Variants in CHRM3 observed in about 807,000 individuals in gnomAD.
CHRM3 encodes muscarinic acetylcholine receptor M3.
CHRM3 carries 11 observed loss-of-function variants against 41.8 expected under a neutral mutation model. That is an observed-to-expected ratio of 0.26 (90% confidence interval 0.17 to 0.44). The LOEUF (loss-of-function observed/expected upper bound fraction) is 0.44, where lower values mean the gene tolerates loss of function less well. CHRM3 is among the 20% of genes least tolerant of loss of function. CHRM3 has a pLI of 1.00. For synonymous variants in CHRM3, 297 were observed against 301.4 expected (o/e 0.99, Z 0.15); for missense variants, 571 against 745.4 (o/e 0.77, Z 2.72).
intron 3 of CHRM3, chr1:239,546,306 G>GT (rs1659297287): frequency 6.6e-6 from 1 of 152,104 alleles, no homozygotes; most frequent in Non-Finnish European, 1.5e-5. Context: ...CTAGGCCTCA[G>GT]TTTCTTCATT....
intron 5 of CHRM3, among the ~76,000 whole-genome samples, chr1:239,720,526 G>A (rs755673154): frequency 3.9e-5 from 6 of 151,956 alleles, no homozygotes; most frequent in Non-Finnish European, 7.4e-5. Context: ...GTTGCAGATA[G>A]CAAGTGAACA....
At chr1:239,694,294 C>A (rs1029773882) in intron 5 of CHRM3, among the ~76,000 whole-genome samples, 3 of 152,136 alleles carry the variant, frequency 2.0e-5, no homozygotes, top group African/African-American at 7.2e-5. Flanking sequence ...GGCATGAAGT[C>A]AACAATGAAT....
intron 4 of CHRM3, among the ~76,000 whole-genome samples, chr1:239,666,380 T>C (rs914995480): frequency 3.0e-4 from 45 of 151,718 alleles, no homozygotes; most frequent in African/African-American, 9.9e-4. Flanking sequence ...TTAGTAGGGC[T>C]GGGGTTTCAC....
chr1:239,402,465 C>T (rs781667084), intron 1 of CHRM3, among the ~76,000 whole-genome samples: 6 of 152,144 alleles, frequency 3.9e-5, no homozygotes, highest in African/African-American at 7.2e-5. Flanking sequence ...TTGGATTTTA[C>T]GGTTCTGTAA....
At chr1:239,568,137 A>G (rs949828149) in intron 3 of CHRM3, among the ~76,000 whole-genome samples, 4 of 152,060 alleles carry the variant, frequency 2.6e-5, no homozygotes, top group African/African-American at 9.7e-5. Context: ...TATGGTGGCT[A>G]TCCTCCAGGC....
intron 5 of CHRM3, among the ~76,000 whole-genome samples, chr1:239,694,270 T>G (rs1433294934): frequency 6.6e-6 from 1 of 152,174 alleles, no homozygotes; most frequent in Non-Finnish European, 1.5e-5. Flanking sequence ...GAAGACAATT[T>G]CACAGTATCT....
chr1:239,851,813 C>T (rs765371796), intron 6 of CHRM3, among the ~76,000 whole-genome samples: 21 of 152,162 alleles, frequency 1.4e-4, no homozygotes, highest in South Asian at 2.1e-4. Context: ...AGTTTTCTTA[C>T]CTTTAGAGAT....
At chr1:239,479,029 C>G (rs1666646267) in intron 1 of CHRM3, among the ~76,000 whole-genome samples, 1 of 151,936 alleles carries the variant, frequency 6.6e-6, no homozygotes. Flanking sequence ...TGAAAAAATA[C>G]AAAAATTAGC....
chr1:239,605,401 G>A (rs952877836), intron 3 of CHRM3, among the ~76,000 whole-genome samples: 2 of 152,064 alleles, frequency 1.3e-5, no homozygotes, highest in Non-Finnish European at 1.5e-5. Context: ...ATACCATATC[G>A]CCAAGGTGTG....
At chr1:239,873,383 G>A (rs1315248241) in intron 6 of CHRM3, among the ~76,000 whole-genome samples, 2 of 151,804 alleles carry the variant, frequency 1.3e-5, no homozygotes. Context: ...TTAAGTTCTG[G>A]GGTACATGTG....
At chr1:239,772,214 A>G (rs1054687713) in intron 5 of CHRM3, among the ~76,000 whole-genome samples, 15 of 152,086 alleles carry the variant, frequency 9.9e-5, no homozygotes, top group Middle Eastern at 6.3e-3. Flanking sequence ...GCAATGGCGC[A>G]ATCTCAGCTC....
At chr1:239,611,093 A>AT (rs1666974560) in intron 3 of CHRM3, among the ~76,000 whole-genome samples, 1 of 152,164 alleles carries the variant, frequency 6.6e-6, no homozygotes, top group East Asian at 1.9e-4. Context: ...ACAGTAATGA[A>AT]TTTTTTAGCA....
At chr1:239,635,189 A>G (rs188105420) in intron 4 of CHRM3, among the ~76,000 whole-genome samples, 1 of 152,304 alleles carries the variant, frequency 6.6e-6, no homozygotes, top group East Asian at 1.9e-4. Context: ...GTTAGTCAAC[A>G]TGGCTTTCAT....
rs568401124 is a variant in CHRM3 at position 239,700,410 on chromosome 1, CA to C, written c.-147+22123del. ...TAATTTACAGATATTCATCTTTGAC[CA>C]TTGGAAAATTGCCCTAAAAAGCAAG... is the stretch of plus-strand genomic sequence containing the variant. On this transcript the variant is annotated intron_variant, in intron 5 of 6. Transcript: ENST00000676153. 2.0e-5 allele frequency among the ~76,000 whole-genome samples: 3 copies of C among 152,266 alleles called. No individual in the cohort carries two copies. The South Asian group carries it at 6.2e-4, about 32-fold the overall frequency.
At chr1:239,402,416 T>A (rs919390230) in intron 1 of CHRM3, among the ~76,000 whole-genome samples, 4 of 152,204 alleles carry the variant, frequency 2.6e-5, no homozygotes, top group African/African-American at 9.6e-5. Flanking sequence ...CTTACAAGGC[T>A]CCAATAGCCT....
chr1:239,799,492 C>T (rs1455341101), intron 5 of CHRM3, among the ~76,000 whole-genome samples: 1 of 152,104 alleles, frequency 6.6e-6, no homozygotes, highest in African/African-American at 2.4e-5. Context: ...CATGGAATCC[C>T]TCCACCTACC....
At chr1:239,771,999 C>T (rs1220317473) in intron 5 of CHRM3, among the ~76,000 whole-genome samples, 1 of 152,114 alleles carries the variant, frequency 6.6e-6, no homozygotes, top group East Asian at 1.9e-4. Flanking sequence ...TAGAGACATA[C>T]AAAGAGAAAC....
chr1:239,587,935 T>C (rs1370078694), intron 3 of CHRM3, among the ~76,000 whole-genome samples: 2 of 152,238 alleles, frequency 1.3e-5, no homozygotes, highest in African/African-American at 2.4e-5. Context: ...AACAAACTTA[T>C]GCATTCTGAT....
intron 6 of CHRM3, among the ~76,000 whole-genome samples, chr1:239,843,919 GATAC>G (rs993383308): frequency 1.3e-5 from 2 of 151,686 alleles, no homozygotes; most frequent in African/African-American, 2.4e-5. Flanking sequence ...TATATAATTA[GATAC>G]ATACATACGT....
Sources: allele counts gnomAD v4.1 joint callset (sites outside exome capture counted in the v4.1 genomes callset), GRCh38; gene constraint gnomAD v4.1.1; transcripts MANE v1.5; gene names NCBI Gene and HGNC (gene_info 2026-07-23, HGNC 2026-07-21).